Variants in COL13A1 observed in about 807,000 individuals in gnomAD.
The protein encoded by COL13A1 is collagen type XIII alpha 1 chain.
Under a neutral mutation model 130.9 loss-of-function variants are expected in COL13A1, and 89 were observed. That is an observed-to-expected ratio of 0.68 (90% CI 0.57 to 0.81). The LOEUF is 0.81. COL13A1 is among the 30% of genes least tolerant of loss of function. The probability of loss-of-function intolerance (pLI) is 0.00; values close to 1 mark genes in which losing one functional copy is unlikely to be tolerated. For missense variants in COL13A1, 879 were observed against 934.6 expected (o/e 0.94, Z 0.78); for synonymous variants, 402 against 341.6 (o/e 1.18, Z -1.95).
Position 69,802,569 on chromosome 10 carries a change from C to T in COL13A1, c.146C>T (p.Thr49Met), listed in dbSNP as rs2131982314. Residue 49 changes from threonine to methionine, a missense_variant, in exon 1 of 41, where the codon ACG (threonine) becomes ATG (methionine). Physicochemically the swap from Thr to Met is moderately conservative, Grantham distance 81. Transcript: ENST00000645393. ...LPSPGSCGLL[T>M]LALCSLALSL... ...AGTCCAGGGTCGTGCGGGCTGCTGA[C>T]GCTGGCCCTCTGCTCGCTGGCACTC... is the stretch of plus-strand genomic sequence containing the variant. 2 of 1,610,884 alleles carry T rather than the reference C, an allele frequency of 1.2e-6. No homozygotes were observed. Among genetic ancestry groups the T allele is most frequent in the African/African-American group, 1.3e-5 (1 of 74,774 alleles).
intron 8 of COL13A1, 56 bp downstream of exon 8, chr10:69,887,547 G>T: frequency 1.3e-6 from 2 of 1,581,950 alleles, no homozygotes; most frequent in South Asian, 1.1e-5. Context: ...GGCCTGATTG[G>T]GTTAAACTTC....
chr10:69,880,609 A>T, intron 7 of COL13A1, 56 bp downstream of exon 7: 1 of 1,568,842 alleles, frequency 6.4e-7, no homozygotes, highest in Non-Finnish European at 8.7e-7. Context: ...GTTGATGAAA[A>T]GGGCTTTTAG....
chr10:69,945,837 C>T lies in COL13A1; in HGVS notation c.2022+113C>T. 6.1e-6 allele frequency: 8 copies of T among 1,315,004 alleles called. No individual in the cohort carries two copies. The East Asian group carries it at 2.1e-4, about 34-fold the overall frequency. 81.5% of individuals were successfully genotyped at this position (1,315,004 alleles called of 1,614,324 possible). A position where few individuals can be genotyped will look rare whatever the true frequency, so the allele number is the denominator to read the frequency against. On this transcript the variant is annotated intron_variant, in intron 37 of 40. Transcript: ENST00000645393. ...CCTGTAATCCCAGCACTTTGGGAGG[C>T]CGAGGCGGGCGCATCACGAGGTCAG...
At chr10:69,924,366 G>A (rs992821502) in intron 24 of COL13A1, among the ~76,000 whole-genome samples, 2 of 152,090 alleles carry the variant, frequency 1.3e-5, no homozygotes, top group African/African-American at 4.8e-5. Flanking sequence ...TTTTTCACAA[G>A]TTACACTGCT....
intron 2 of COL13A1, among the ~76,000 whole-genome samples, chr10:69,842,558 A>G (rs975651323): frequency 2.0e-5 from 3 of 152,184 alleles, no homozygotes; most frequent in Non-Finnish European, 4.4e-5. Flanking sequence ...TGGTCTGTCC[A>G]TGCTCATTCC....
intron 7 of COL13A1, among the ~76,000 whole-genome samples, chr10:69,885,881 G>A (rs551297188): frequency 6.9e-4 from 105 of 152,208 alleles, no homozygotes; most frequent in African/African-American, 2.2e-3. Flanking sequence ...GTGCCCTTTT[G>A]GTTGGCTGCC....
Position 69,802,086 on chromosome 10 carries a change from C to T in COL13A1, c.-338C>T. 1 of 234,328 alleles carries T rather than the reference C, an allele frequency of 4.3e-6. No individual in the cohort carries two copies. The highest frequency in any genetic ancestry group is 9.6e-5 in the East Asian group (1 of 10,386). 14.5% of individuals were successfully genotyped at this position (234,328 alleles called of 1,614,324 possible). ...ACGAGGCGCCCAGAAGGACTGACAG[C>T]GCGGCACCAACTGCTCTGCAGACAC... is the stretch of plus-strand genomic sequence containing the variant. On this transcript the variant is annotated 5_prime_UTR_variant, in exon 1 of 41. Coordinates refer to ENST00000645393, the MANE Select transcript of COL13A1 (RefSeq NM_001368882.1).
chr10:69,936,101 G>C (rs1430616227), intron 32 of COL13A1, among the ~76,000 whole-genome samples: 1 of 81,356 alleles, frequency 1.2e-5, no homozygotes, highest in Non-Finnish European at 2.4e-5. Flanking sequence ...AGGAGGGAAG[G>C]GAGGAAGGAA....
intron 2 of COL13A1, among the ~76,000 whole-genome samples, chr10:69,824,284 C>T (rs1846933344): frequency 6.6e-6 from 1 of 152,218 alleles, no homozygotes; most frequent in South Asian, 2.1e-4. Context: ...TTCAAAGATG[C>T]AGAGAAATCC....
At chr10:69,803,624 G>A (rs1212385518) in intron 1 of COL13A1, among the ~76,000 whole-genome samples, 1 of 152,070 alleles carries the variant, frequency 6.6e-6, no homozygotes, top group Non-Finnish European at 1.5e-5. Context: ...CCTGGAGCAG[G>A]TCCTGGCCAT....
Position 69,875,165 on chromosome 10 carries a change from T to C in COL13A1, c.435+2T>C. On this transcript the variant is annotated splice_donor_variant, in intron 5 of 40. Transcript: ENST00000645393. LOFTEE classifies it high-confidence loss of function. The stretch of plus-strand genomic sequence containing the variant: ...GCCATTGGGATGCCTGGACGTGTGG[T>C]GAGTTGGCCCGTTTGTACCTGCTCA... 1 of 1,613,880 alleles carries C rather than the reference T, an allele frequency of 6.2e-7. No homozygotes were observed. The highest frequency in any genetic ancestry group is 8.5e-7 in the Non-Finnish European group (1 of 1,179,842).
chr10:69,873,498 G>A (rs1466018409), intron 4 of COL13A1, among the ~76,000 whole-genome samples: 1 of 152,176 alleles, frequency 6.6e-6, no homozygotes, highest in African/African-American at 2.4e-5. Context: ...CATTTAGGGG[G>A]CAATTGACAG....
Position 69,951,318 on chromosome 10 carries a change from C to T in COL13A1, c.2059-1564C>T, listed in dbSNP as rs540086945. ...TGAAGCAGCTATCGTTTACTGTGCA[C>T]ATACTATATTCCATTATTAAGCATT... On this transcript the variant is annotated intron_variant, in intron 38 of 40. Coordinates refer to ENST00000645393, the MANE Select transcript of COL13A1 (RefSeq NM_001368882.1). Among the ~76,000 whole-genome samples, 119 of 152,282 alleles carry T rather than the reference C, an allele frequency of 7.8e-4. 1 individual carries two copies. Among genetic ancestry groups the T allele is most frequent in the African/African-American group, 2.8e-3 (116 of 41,562 alleles).
chr10:69,856,942 C>A (rs1022031538), intron 2 of COL13A1, among the ~76,000 whole-genome samples: 2 of 151,698 alleles, frequency 1.3e-5, no homozygotes, highest in African/African-American at 4.8e-5. Flanking sequence ...CAAGGCTCAT[C>A]CCTGATTGAT....
intron 2 of COL13A1, among the ~76,000 whole-genome samples, chr10:69,825,244 CAA>C (rs1847192529): frequency 6.6e-6 from 1 of 152,226 alleles, no homozygotes; most frequent in Non-Finnish European, 1.5e-5. Flanking sequence ...CTCAAATTCG[CAA>C]AGAGAACATC....
chr10:69,905,075 A>T, intron 16 of COL13A1, 116 bp downstream of exon 16: 1 of 1,222,296 alleles, frequency 8.2e-7, no homozygotes, highest in Non-Finnish European at 1.2e-6. Context: ...CAGCTGAGAG[A>T]CAGATCAAGC....
In COL13A1 at chr10:69,822,444, C is replaced by T; in HGVS notation, c.364+6C>T. ...AGGATGTAACTGCCCACCAGGTAAGCAGCCCTGCAAATAGGTGACCGCGGA... is the reference window on the plus strand; with the variant it reads ...AGGATGTAACTGCCCACCAGGTAAGTAGCCCTGCAAATAGGTGACCGCGGA... On this transcript the variant is annotated splice_donor_region_variant and intron_variant, in intron 2 of 40. Transcript: ENST00000645393. 3.2e-6 allele frequency: 5 copies of T among 1,584,378 alleles called. No individual in the cohort carries two copies. Among genetic ancestry groups the T allele is most frequent in the Non-Finnish European group, 4.3e-6 (5 of 1,165,592 alleles).
intron 8 of COL13A1, 68 bp downstream of exon 8, chr10:69,887,559 T>C (rs1227812544): frequency 1.3e-6 from 2 of 1,539,668 alleles, no homozygotes; most frequent in African/African-American, 1.4e-5. Context: ...TTAAACTTCA[T>C]CTGAGGTCAG....
At chr10:69,922,853 C>A in intron 23 of COL13A1, 59 bp downstream of exon 23, 3 of 1,244,370 alleles carry the variant, frequency 2.4e-6, no homozygotes, top group South Asian at 2.9e-5. Flanking sequence ...TTGTCTTCAG[C>A]CTGTTCTCGG....
Sources: allele counts gnomAD v4.1 joint callset (sites outside exome capture counted in the v4.1 genomes callset), GRCh38; gene constraint gnomAD v4.1.1; transcripts MANE v1.5; gene names NCBI Gene and HGNC (gene_info 2026-07-23, HGNC 2026-07-21).